Variants in DTNBP1 observed in about 807,000 individuals in gnomAD.
The protein encoded by DTNBP1 is dysbindin.
Under a neutral mutation model 42.8 loss-of-function variants are expected in DTNBP1, and 35 were observed. That is an observed-to-expected ratio of 0.82 (90% confidence interval 0.63 to 1.09). DTNBP1 has a LOEUF of 1.09. DTNBP1 is among the 50% of genes least tolerant of loss of function. DTNBP1 has a pLI of 0.00. For missense variants in DTNBP1, 457 were observed against 424.2 expected, an observed-to-expected ratio of 1.08 and a Z score of -0.68; for synonymous variants, 171 against 162.2, an observed-to-expected ratio of 1.05 and a Z score of -0.41.
intron 8 of DTNBP1, 63 bp downstream of exon 8, chr6:15,533,177 G>A (rs560914300): frequency 1.2e-6 from 2 of 1,604,578 alleles, no homozygotes; most frequent in Non-Finnish European, 1.7e-6. Flanking sequence ...CTGGGGAGAG[G>A]GGTCCATCGC....
chr6:15,658,125 T>C (rs1424267048), intron 1 of DTNBP1, among the ~76,000 whole-genome samples: 3 of 152,194 alleles, frequency 2.0e-5, no homozygotes, highest in South Asian at 4.1e-4. Flanking sequence ...GCCCAATATA[T>C]AGACATTGTT....
At chr6:15,574,114 C>T (rs952719146) in intron 7 of DTNBP1, among the ~76,000 whole-genome samples, 8 of 152,174 alleles carry the variant, frequency 5.3e-5, no homozygotes, top group African/African-American at 1.9e-4. Flanking sequence ...GATACACACA[C>T]CAGAACCCCA....
At chr6:15,571,373 C>A (rs1218585944) in intron 7 of DTNBP1, among the ~76,000 whole-genome samples, 1 of 152,172 alleles carries the variant, frequency 6.6e-6, no homozygotes, top group Non-Finnish European at 1.5e-5. Context: ...AAAGACTGAA[C>A]AAGTATATCA....
intron 6 of DTNBP1, among the ~76,000 whole-genome samples, chr6:15,595,583 T>C (rs1776485940): frequency 6.6e-6 from 1 of 152,050 alleles, no homozygotes; most frequent in Non-Finnish European, 1.5e-5. Flanking sequence ...ATGGAACTTT[T>C]AAGGAACTGA....
intron 7 of DTNBP1, among the ~76,000 whole-genome samples, chr6:15,535,451 G>T (rs1773169183): frequency 6.6e-6 from 1 of 151,996 alleles, no homozygotes; most frequent in Non-Finnish European, 1.5e-5. Flanking sequence ...CAAGTAGCTG[G>T]GATTACAGGA....
At chr6:15,523,325 T>G in intron 9 of DTNBP1, 106 bp from the exon 10 acceptor site, 1 of 1,509,392 alleles carries the variant, frequency 6.6e-7, no homozygotes, top group Non-Finnish European at 9.1e-7. Flanking sequence ...GGGGTGTGGT[T>G]TTTGTTCCAG....
At chr6:15,608,288 A>G (rs1758191137) in intron 6 of DTNBP1, among the ~76,000 whole-genome samples, 1 of 152,064 alleles carries the variant, frequency 6.6e-6, no homozygotes, top group African/African-American at 2.4e-5. Context: ...AAACACACAC[A>G]TTTATCTCTA....
intron 7 of DTNBP1, among the ~76,000 whole-genome samples, chr6:15,588,780 T>C (rs734129): frequency 0.15 from 23,525 of 152,208 alleles, 2,707 homozygotes; most frequent in African/African-American, 0.32. Context: ...GAAATAAACA[T>C]ATATGCATCT....
chr6:15,621,133 A>G lies in DTNBP1; in HGVS notation c.356-5734T>C, dbSNP rs116493886. Among the ~76,000 whole-genome samples the G allele has an allele frequency of 4.5e-3, 690 of 152,304 alleles. 6 individuals carry two copies. Among genetic ancestry groups the G allele is most frequent in the African/African-American group, 0.016 (665 of 41,574 alleles). On this transcript the variant is annotated intron_variant, in intron 5 of 9. Transcript: ENST00000344537. ...TTTTATCTTACAAACTTACACACCT[A>G]TAAGTTATTTTCCAGGCTATAGTCT...
chr6:15,658,224 T>C (rs1451304663), intron 1 of DTNBP1, among the ~76,000 whole-genome samples: 3 of 152,234 alleles, frequency 2.0e-5, no homozygotes, highest in Non-Finnish European at 4.4e-5. Flanking sequence ...CCTAGTCTAA[T>C]GTCTGGCACT....
intron 8 of DTNBP1, among the ~76,000 whole-genome samples, chr6:15,529,878 TGTGGGGCATGTG>T (rs1037374467): frequency 2.6e-5 from 4 of 151,968 alleles, no homozygotes; most frequent in Non-Finnish European, 5.9e-5. Flanking sequence ...TGGAGAGGCC[TGTGGGGCATGTG>T]GTGGGGCCCA....
intron 5 of DTNBP1, among the ~76,000 whole-genome samples, chr6:15,625,501 T>C (rs987945903): frequency 1.3e-5 from 2 of 152,214 alleles, no homozygotes; most frequent in African/African-American, 4.8e-5. Context: ...GAAGCCAAAA[T>C]GCAGTTTCTG....
chr6:15,654,971 C>T (rs1354050039), intron 1 of DTNBP1, among the ~76,000 whole-genome samples: 1 of 152,090 alleles, frequency 6.6e-6, no homozygotes, highest in Non-Finnish European at 1.5e-5. Flanking sequence ...GCTGACATAT[C>T]ACAGGTATAG....
chr6:15,573,493 C>T (rs868452954), intron 7 of DTNBP1, among the ~76,000 whole-genome samples: 1 of 152,050 alleles, frequency 6.6e-6, no homozygotes, highest in Admixed American at 6.6e-5. Context: ...AGGCTCCCAG[C>T]ACTATTTTAA....
intron 7 of DTNBP1, among the ~76,000 whole-genome samples, chr6:15,564,561 C>T (rs1313884177): frequency 6.6e-6 from 1 of 151,976 alleles, no homozygotes; most frequent in East Asian, 1.9e-4. Flanking sequence ...GCGTGTACTA[C>T]CTCTCCTGGC....
chr6:15,610,434 A>T (rs758558973), intron 6 of DTNBP1, among the ~76,000 whole-genome samples: 19 of 152,186 alleles, frequency 1.2e-4, no homozygotes, highest in Non-Finnish European at 2.4e-4. Flanking sequence ...CAGGCCAATT[A>T]TTAATAATAA....
At chr6:15,640,272 T>C (rs758343738) in intron 3 of DTNBP1, among the ~76,000 whole-genome samples, 4 of 152,222 alleles carry the variant, frequency 2.6e-5, no homozygotes, top group Non-Finnish European at 5.9e-5. Flanking sequence ...TCATGCCGCC[T>C]TGAAACTCAT....
intron 8 of DTNBP1, among the ~76,000 whole-genome samples, chr6:15,532,600 A>C (rs1013300560): frequency 6.6e-6 from 1 of 152,054 alleles, no homozygotes; most frequent in African/African-American, 2.4e-5. Context: ...AAGCAGTAAC[A>C]GGGACTATTC....
intron 7 of DTNBP1, among the ~76,000 whole-genome samples, chr6:15,536,630 G>C (rs1295071999): frequency 6.6e-6 from 1 of 152,268 alleles, no homozygotes; most frequent in African/African-American, 2.4e-5. Context: ...CTGCTGCAGG[G>C]ACACAGCCCT....
Sources: allele counts gnomAD v4.1 joint callset (sites outside exome capture counted in the v4.1 genomes callset), GRCh38; gene constraint gnomAD v4.1.1; transcripts MANE v1.5; gene names NCBI Gene and HGNC (gene_info 2026-07-23, HGNC 2026-07-21).